Variants in AGA observed in about 807,000 individuals in gnomAD.
The protein encoded by AGA is N(4)-(beta-N-acetylglucosaminyl)-L-asparaginase.
In AGA, 31 loss-of-function variants were observed where a neutral mutation model predicts 40.1. That is an observed-to-expected ratio of 0.77 (90% CI 0.58 to 1.04). The LOEUF is 1.04. AGA is among the 50% of genes least tolerant of loss of function. The pLI, the probability that AGA is intolerant of heterozygous loss-of-function variation, is 0.00. For synonymous variants in AGA, 148 were observed against 144.0 expected, an observed-to-expected ratio of 1.03 and a Z score of -0.20; for missense variants, 445 against 435.4, an observed-to-expected ratio of 1.02 and a Z score of -0.20.
At chr4:177,436,867 C>T (rs1030772067) in intron 5 of AGA, among the ~76,000 whole-genome samples, 6 of 152,234 alleles carry the variant, frequency 3.9e-5, no homozygotes, top group African/African-American at 1.2e-4. Flanking sequence ...ATGCCATTAT[C>T]GCAGGGAGTG....
chr4:177,442,137 C>T, intron 1 of AGA, 112 bp downstream of exon 1: 1 of 1,499,820 alleles, frequency 6.7e-7, no homozygotes, highest in Non-Finnish European at 9.0e-7. Context: ...AGGCCCGGCC[C>T]AGCCCGGCGC....
intron 8 of AGA, among the ~76,000 whole-genome samples, chr4:177,432,517 A>C (rs1736663804): frequency 6.6e-6 from 1 of 152,216 alleles, no homozygotes; most frequent in Admixed American, 6.5e-5. Context: ...TTAAAAAAGA[A>C]TAAAGCATTC....
At chr4:177,436,792 A>G (rs528939582) in intron 5 of AGA, among the ~76,000 whole-genome samples, 14 of 152,202 alleles carry the variant, frequency 9.2e-5, no homozygotes, top group Non-Finnish European at 1.6e-4. Context: ...ATAACAGGCA[A>G]TTAACATTAT....
intron 5 of AGA, among the ~76,000 whole-genome samples, chr4:177,436,613 C>T (rs149073602): frequency 0.01 from 1,569 of 152,282 alleles, 17 homozygotes; most frequent in Non-Finnish European, 0.015. Context: ...CCTTCCACCA[C>T]GTGACGACAC....
rs577940743 is a variant in AGA, at chr4:177,442,182, G to A, written c.127+67C>T. The A allele has an allele frequency of 4.3e-4, 692 of 1,599,110 alleles. 3 individuals are homozygous for A. The East Asian group carries it at 5.1e-3, about 12-fold the overall frequency. ...CGCCCTGCCGGGTGACTGCAGCGGG[G>A]CGGGCTAGTCATCCCCACCCGCAAG... On this transcript the variant is annotated intron_variant, in intron 1 of 8. Coordinates refer to ENST00000264595, the MANE Select transcript of AGA (RefSeq NM_000027.4).
chr4:177,439,779 G>C, intron 2 of AGA, 91 bp from the exon 3 acceptor site: 23 of 951,508 alleles, frequency 2.4e-5, no homozygotes, highest in Non-Finnish European at 3.8e-5. Context: ...ATAGTGTTTT[G>C]CGGTTAAACT....
chr4:177,436,447 A>C (rs1736823330), intron 5 of AGA, 96 bp from the exon 6 acceptor site: 1 of 999,310 alleles, frequency 1.0e-6, no homozygotes. Context: ...CTGTGCTCTG[A>C]ATGTTTGTGT....
At chr4:177,432,817 AGATCT>A (rs1736672929) in intron 8 of AGA, among the ~76,000 whole-genome samples, 1 of 152,228 alleles carries the variant, frequency 6.6e-6, no homozygotes, top group South Asian at 2.1e-4. Context: ...AGCCCCGAGA[AGATCT>A]AAATGGCTGA....
At chr4:177,441,212 C>T (rs935392417) in intron 1 of AGA, among the ~76,000 whole-genome samples, 1 of 152,276 alleles carries the variant, frequency 6.6e-6, no homozygotes, top group Non-Finnish European at 1.5e-5. Flanking sequence ...TCTTTCAATA[C>T]AGGCAACTTA....
chr4:177,439,905 C>A, intron 2 of AGA: 2 of 598,852 alleles, frequency 3.3e-6, no homozygotes, highest in Non-Finnish European at 5.9e-6. Context: ...CACAACAGCA[C>A]TAAAATTCTC....
At chr4:177,438,631 G>A in intron 4 of AGA, 114 bp downstream of exon 4, 3 of 760,306 alleles carry the variant, frequency 3.9e-6, no homozygotes, top group South Asian at 1.5e-5. Context: ...TAGTTCTAAT[G>A]TACAGCCAGG....
chr4:177,431,838 T>A, intron 8 of AGA, 30 bp from the exon 9 acceptor site: 1 of 1,558,166 alleles, frequency 6.4e-7, no homozygotes, highest in African/African-American at 1.4e-5. Flanking sequence ...AGAAGTTTGG[T>A]GAACTATAGG....
rs902130196 is a variant in AGA at position 177,437,193 on chromosome 4, A to G, written c.622+212T>C. On this transcript the variant is annotated intron_variant, in intron 5 of 8. Coordinates refer to ENST00000264595, the MANE Select transcript of AGA (RefSeq NM_000027.4). ...GTCAAATAAAGATTTAAAAATCCGC[A>G]AGTGAATAGTCATTGGGTTTTAGGT... The G allele has an allele frequency of 3.8e-5, 20 of 520,882 alleles. No individual in the cohort carries two copies. In the East Asian group the frequency reaches 6.4e-4, roughly 17 times the overall value. 32.3% of individuals were successfully genotyped at this position (520,882 alleles called of 1,614,324 possible).
In AGA at chr4:177,442,405, A is replaced by G. The variant is rs757281398; in HGVS notation, c.-30T>C. The G allele has an allele frequency of 6.2e-7, 1 of 1,613,590 alleles. No homozygotes were observed. The highest frequency in any genetic ancestry group is 8.5e-7 in the Non-Finnish European group (1 of 1,179,776). ...GACCACCGAAGAGACCAGCGCGAGAAAAGTCCCGGCAGCCAGCGATCGCCG... is the reference window on the plus strand; with the variant it reads ...GACCACCGAAGAGACCAGCGCGAGAGAAGTCCCGGCAGCCAGCGATCGCCG... On this transcript the variant is annotated 5_prime_UTR_variant, in exon 1 of 9. Coordinates refer to ENST00000264595, the MANE Select transcript of AGA (RefSeq NM_000027.4).
chr4:177,438,408 T>C (rs1736890542), intron 4 of AGA, among the ~76,000 whole-genome samples: 1 of 152,252 alleles, frequency 6.6e-6, no homozygotes. Context: ...CTAAGAAATA[T>C]TTTAGACTCA....
At position 177,431,373 on chromosome 4, in the gene AGA, A is replaced by T. The variant is rs1334837100; in HGVS notation, c.*335T>A. 2.3e-6 allele frequency: 1 copy of T among 441,164 alleles called. No individual in the cohort carries two copies. The highest frequency in any genetic ancestry group is 4.4e-6 in the Non-Finnish European group (1 of 228,544). The allele number at this position is 441,164 out of a possible 1,614,324, so 27.3% of individuals were successfully genotyped here. ...CTATTTTAAGCATCCAAATATGATG[A>T]TTCCTTTTGGGTTTAATATATCACT... On this transcript the variant is annotated 3_prime_UTR_variant, in exon 9 of 9. Transcript: ENST00000264595.
rs764050833 is a variant in AGA, at chr4:177,439,531, A to T, written c.394+45T>A. On this transcript the variant is annotated intron_variant, in intron 3 of 8. Coordinates refer to ENST00000264595, the MANE Select transcript of AGA (RefSeq NM_000027.4). ...TTTGTACTATTTTTCAGTGAAAACT[A>T]TAGTCAAAAGACTAGAAAAAATTTC... 3.0e-6 allele frequency: 4 copies of T among 1,337,466 alleles called. No homozygotes were observed. The African/African-American group carries it at 5.8e-5, about 19-fold the overall frequency. The allele number at this position is 1,337,466 out of a possible 1,614,324, so 82.8% of individuals were successfully genotyped here.
At chr4:177,440,105 ATT>A in intron 2 of AGA, 166 bp downstream of exon 2, 14 of 609,782 alleles carry the variant, frequency 2.3e-5, no homozygotes, top group Non-Finnish European at 2.7e-5. Flanking sequence ...TATTACTCTG[ATT>A]TTTTTTTTTC....
rs370323493 is a variant in AGA, at chr4:177,438,902, C to A, written c.395-45G>T. The A allele has an allele frequency of 1.6e-5, 19 of 1,207,836 alleles. No individual in the cohort carries two copies. In the African/African-American group the frequency reaches 2.4e-4, roughly 15 times the overall value. The allele number at this position is 1,207,836 out of a possible 1,614,324, so 74.8% of individuals were successfully genotyped here. On this transcript the variant is annotated intron_variant, in intron 3 of 8. Coordinates refer to ENST00000264595, the MANE Select transcript of AGA (RefSeq NM_000027.4). ...AAAGTATAAATTATTCAAGTATTGT[C>A]TTTTCAACAAAAATATATGTACTAG...
Sources: gnomAD v4.1 joint callset for allele counts (sites outside exome capture counted in the v4.1 genomes callset) on GRCh38, gnomAD v4.1.1 for gene constraint, MANE v1.5 for transcripts, NCBI Gene and HGNC (gene_info 2026-07-23, HGNC 2026-07-21) for gene names.